DTWD2: variants seen among roughly 807,000 people sequenced by gnomAD.
DTWD2 encodes the protein DTW motif tRNA-uridine aminocarboxypropyltransferase 2.
A neutral mutation model predicts 31.8 loss-of-function variants in DTWD2; 39 were observed. The observed-to-expected ratio is 1.22, with a 90% CI of 0.95 to 1.60. The LOEUF is 1.60. Ranked by LOEUF, DTWD2 falls within the 40% of genes most tolerant of loss-of-function variation. DTWD2 has a pLI of 0.00. For synonymous variants in DTWD2, 180 were observed against 142.8 expected (o/e 1.26, Z -1.86); for missense variants, 515 against 381.5 (o/e 1.35, Z -2.92).
At chr5:118,969,172 G>A (rs904634791) in intron 1 of DTWD2, among the ~76,000 whole-genome samples, 5 of 147,638 alleles carry the variant, frequency 3.4e-5, no homozygotes, top group Non-Finnish European at 6.0e-5. Context: ...CACTCCCTGG[G>A]ACTGAGCCAC....
At chr5:118,848,892 C>G (rs1406448408) in intron 4 of DTWD2, among the ~76,000 whole-genome samples, 2 of 152,180 alleles carry the variant, frequency 1.3e-5, no homozygotes, top group African/African-American at 2.4e-5. Context: ...GGATTAAAGA[C>G]TTAAGCATAA....
intron 4 of DTWD2, among the ~76,000 whole-genome samples, chr5:118,888,362 T>C (rs1752911148): frequency 6.6e-6 from 1 of 152,210 alleles, no homozygotes; most frequent in African/African-American, 2.4e-5. Flanking sequence ...CAATAGGTAC[T>C]CATGTTTATC....
intron 4 of DTWD2, among the ~76,000 whole-genome samples, chr5:118,895,934 T>A (rs1044530429): frequency 6.9e-4 from 105 of 152,318 alleles, no homozygotes; most frequent in African/African-American, 2.4e-3. Context: ...GTTTAAGGAA[T>A]AAAATTATAT....
At chr5:118,890,562 CTTTTT>C (rs973397760) in intron 4 of DTWD2, among the ~76,000 whole-genome samples, 3 of 71,258 alleles carry the variant, frequency 4.2e-5, no homozygotes, top group Admixed American at 1.9e-4. Flanking sequence ...TTAGGTTTTC[CTTTTT>C]TTTTTTTTTT....
chr5:118,928,800 T>A, intron 3 of DTWD2, 71 bp from the exon 4 acceptor site: 4 of 1,273,374 alleles, frequency 3.1e-6, no homozygotes, highest in Non-Finnish European at 3.2e-6. Context: ...GCTTACTGAA[T>A]TTCCTAATAA....
chr5:118,846,426 T>C (rs1288263820), intron 5 of DTWD2, among the ~76,000 whole-genome samples: 1 of 152,130 alleles, frequency 6.6e-6, no homozygotes, highest in Non-Finnish European at 1.5e-5. Context: ...GAGATATAAG[T>C]CCACAGAGAA....
At chr5:118,904,399 C>T (rs915343625) in intron 4 of DTWD2, among the ~76,000 whole-genome samples, 8 of 151,996 alleles carry the variant, frequency 5.3e-5, no homozygotes, top group African/African-American at 1.9e-4. Flanking sequence ...ATTTCCATGG[C>T]ATAGTATAAA....
chr5:118,856,329 G>A (rs1322256092), intron 4 of DTWD2, among the ~76,000 whole-genome samples: 1 of 152,020 alleles, frequency 6.6e-6, no homozygotes, highest in Non-Finnish European at 1.5e-5. Context: ...TATTCCTATA[G>A]CTGCAGTGTA....
At chr5:118,870,050 T>C (rs1054563649) in intron 4 of DTWD2, among the ~76,000 whole-genome samples, 1 of 152,176 alleles carries the variant, frequency 6.6e-6, no homozygotes, top group Non-Finnish European at 1.5e-5. Context: ...CTAGCTTCCC[T>C]TCCACCATGA....
At chr5:118,903,876 TAA>T (rs34791767) in intron 4 of DTWD2, among the ~76,000 whole-genome samples, 4,666 of 152,070 alleles carry the variant, frequency 0.031, 247 homozygotes, top group African/African-American at 0.11. Flanking sequence ...TAAAAAGAAA[TAA>T]GTTATCTCTA....
intron 1 of DTWD2, among the ~76,000 whole-genome samples, chr5:118,975,336 T>C (rs1024703081): frequency 6.6e-6 from 1 of 152,198 alleles, no homozygotes; most frequent in Non-Finnish European, 1.5e-5. Context: ...TACTTGTGTA[T>C]GCTTCAAGAA....
rs1372743265 is a variant in DTWD2, at chr5:118,836,345, T to C, written c.*4572A>G. ...ACCTCTGCCTCCCAGGTTCAAGCAA[T>C]TCTCTGCCTCAGCCTCCTGAGTAGC... On this transcript the variant is annotated 3_prime_UTR_variant, in exon 6 of 6. Transcript: ENST00000510708. Among the ~76,000 whole-genome samples the C allele has an allele frequency of 2.6e-5, 4 of 152,096 alleles. No individual in the cohort carries two copies. Among genetic ancestry groups the C allele is most frequent in the African/African-American group, 9.7e-5 (4 of 41,426 alleles).
intron 1 of DTWD2, among the ~76,000 whole-genome samples, chr5:118,950,688 G>A (rs753203855): frequency 6.6e-6 from 1 of 152,228 alleles, no homozygotes; most frequent in African/African-American, 2.4e-5. Flanking sequence ...CCTGGGGGAG[G>A]AGGTCCTGAA....
At chr5:118,966,188 T>C (rs1444055997) in intron 1 of DTWD2, among the ~76,000 whole-genome samples, 4 of 152,220 alleles carry the variant, frequency 2.6e-5, no homozygotes, top group Non-Finnish European at 5.9e-5. Flanking sequence ...AACATCTGTA[T>C]TAGTTTCCTA....
At chr5:118,867,821 A>G (rs1032572083) in intron 4 of DTWD2, among the ~76,000 whole-genome samples, 1 of 152,204 alleles carries the variant, frequency 6.6e-6, no homozygotes, top group African/African-American at 2.4e-5. Flanking sequence ...AAAAGACTTA[A>G]TATTGTTAAA....
chr5:118,948,299 C>A (rs1754384293), intron 1 of DTWD2, among the ~76,000 whole-genome samples: 1 of 151,938 alleles, frequency 6.6e-6, no homozygotes, highest in Non-Finnish European at 1.5e-5. Flanking sequence ...CACGGTGAAA[C>A]CCCGTCTCTA....
rs879200327 is a variant in DTWD2 at position 118,839,854 on chromosome 5, G to A, written c.*1063C>T. ...AAAACTGTGAGAAATAATCATTGGT[G>A]TATGCTCTATAAATAGTTACCAAGT... is the stretch of plus-strand genomic sequence containing the variant. On this transcript the variant is annotated 3_prime_UTR_variant, in exon 6 of 6. Transcript: ENST00000510708. 6.6e-6 allele frequency: 1 copy of A among 152,100 alleles called. No individual in the cohort carries two copies. The highest frequency in any genetic ancestry group is 1.5e-5 in the Non-Finnish European group (1 of 68,016). The allele number at this position is 152,100 out of a possible 1,614,324, so 9.4% of individuals were successfully genotyped here. A position where few individuals can be genotyped will look rare whatever the true frequency, so the allele number is the denominator to read the frequency against.
chr5:118,973,951 AGAT>A, intron 1 of DTWD2: 1 of 1,583,248 alleles, frequency 6.3e-7, no homozygotes, highest in Non-Finnish European at 8.7e-7. Flanking sequence ...ACAATGAGGT[AGAT>A]GAAGAAGAGG....
At chr5:118,960,440 A>C (rs1432527577) in intron 1 of DTWD2, among the ~76,000 whole-genome samples, 1 of 152,214 alleles carries the variant, frequency 6.6e-6, no homozygotes, top group East Asian at 1.9e-4. Flanking sequence ...GATGCTGGCA[A>C]GACTGCAGAT....
Sources: allele counts gnomAD v4.1 joint callset (sites outside exome capture counted in the v4.1 genomes callset), GRCh38; gene constraint gnomAD v4.1.1; transcripts MANE v1.5; gene names NCBI Gene and HGNC (gene_info 2026-07-23, HGNC 2026-07-21).